The following SMAD9 variants were observed in gnomAD, a reference collection of about 807,000 sequenced individuals.
SMAD9 encodes SMAD family member 9.
A neutral mutation model predicts 46.1 loss-of-function variants in SMAD9; 36 were observed. The observed-to-expected ratio is 0.78, with a 90% CI of 0.60 to 1.03. The LOEUF (loss-of-function observed/expected upper bound fraction) is 1.03, where lower values mean the gene tolerates loss of function less well. Among genes scored for constraint, SMAD9 ranks in the 50% least tolerant of loss-of-function variants. SMAD9 has a pLI of 0.00. For synonymous variants in SMAD9, 245 were observed against 237.1 expected (o/e 1.03, Z -0.31); for missense variants, 572 against 599.8 (o/e 0.95, Z 0.48).
intron 2 of SMAD9, among the ~76,000 whole-genome samples, chr13:36,877,961 C>T (rs976741067): frequency 7.9e-5 from 12 of 152,140 alleles, no homozygotes; most frequent in African/African-American, 2.4e-4. Flanking sequence ...AATGTGCCAG[C>T]GCTTTGGTTT....
chr13:36,900,740 A>G (rs771105327), intron 1 of SMAD9, among the ~76,000 whole-genome samples: 90 of 150,226 alleles, frequency 6.0e-4, no homozygotes, highest in Non-Finnish European at 1.2e-3. Flanking sequence ...AATGTAAATT[A>G]TTTTACTTAT....
At chr13:36,882,062 T>C (rs1222387614) in intron 1 of SMAD9, among the ~76,000 whole-genome samples, 1 of 152,238 alleles carries the variant, frequency 6.6e-6, no homozygotes, top group East Asian at 1.9e-4. Flanking sequence ...TTCGTTTTTT[T>C]AAACTGTGGG....
At chr13:36,882,912 T>C (rs183747606) in intron 1 of SMAD9, among the ~76,000 whole-genome samples, 3 of 152,184 alleles carry the variant, frequency 2.0e-5, no homozygotes. Context: ...TGCAGTGAGC[T>C]ATGACTGCAC....
Position 36,879,568 on chromosome 13 carries a change from A to G in SMAD9, c.122T>C (p.Leu41Pro), listed in dbSNP as rs201869545. 5 of 1,614,112 alleles carry G rather than the reference A, an allele frequency of 3.1e-6. No homozygotes were observed. The highest frequency in any genetic ancestry group is 2.2e-5 in the East Asian group (1 of 44,864). The change falls in exon 2 of 7, where the codon CTA becomes CCA. Residue 41 changes from leucine to proline, a missense_variant. Transcript: ENST00000379826. Reference sequence around the variant, plus strand: ...CTTCTTCTTCTTTAACTTCTTCACTAGAGAGTCCACTGCCTTCTCTGCCCA... The same window carrying G: ...CTTCTTCTTCTTTAACTTCTTCACTGGAGAGTCCACTGCCTTCTCTGCCCA... ...EKWAEKAVDSLVKKLKKKKGA... is the reference protein window; with the variant it reads ...EKWAEKAVDSPVKKLKKKKGA...
rs2058041822 is a variant in SMAD9 at position 36,846,944 on chromosome 13, G to A, written c.*1732C>T. On this transcript the variant is annotated 3_prime_UTR_variant, in exon 7 of 7. Transcript: ENST00000379826. ...TCTCTTATTTACATTTGATTCTACAGTACCTAACATTGTACCTGACACCCA... is the reference window on the plus strand; with the variant it reads ...TCTCTTATTTACATTTGATTCTACAATACCTAACATTGTACCTGACACCCA... 1 of 152,136 alleles carries A rather than the reference G, an allele frequency of 6.6e-6. No individual in the cohort carries two copies. The highest frequency in any genetic ancestry group is 1.5e-5 in the Non-Finnish European group (1 of 68,032). 9.4% of individuals were successfully genotyped at this position (152,136 alleles called of 1,614,324 possible).
At chr13:36,855,082 C>A (rs1462321085) in intron 5 of SMAD9, among the ~76,000 whole-genome samples, 5 of 151,910 alleles carry the variant, frequency 3.3e-5, no homozygotes, top group Non-Finnish European at 5.9e-5. Flanking sequence ...GAGCTCAAGT[C>A]TGGCCTGGCC....
chr13:36,886,515 A>G (rs2058446208), intron 1 of SMAD9, among the ~76,000 whole-genome samples: 1 of 152,276 alleles, frequency 6.6e-6, no homozygotes, highest in East Asian at 1.9e-4. Flanking sequence ...GACAAATCCG[A>G]GCTGAGCTGC....
intron 1 of SMAD9, among the ~76,000 whole-genome samples, chr13:36,887,181 G>C (rs1246046012): frequency 7.3e-6 from 1 of 137,908 alleles, no homozygotes; most frequent in Non-Finnish European, 1.6e-5. Flanking sequence ...GAATGGGTTT[G>C]AAAAGCAAAG....
intron 1 of SMAD9, among the ~76,000 whole-genome samples, chr13:36,889,384 C>T (rs1377299411): frequency 1.3e-5 from 2 of 152,158 alleles, no homozygotes; most frequent in Admixed American, 1.3e-4. Context: ...GTAGTGACCA[C>T]CTTTCTAACA....
intron 5 of SMAD9, among the ~76,000 whole-genome samples, chr13:36,856,797 A>ATTT (rs2058130493): frequency 8.1e-6 from 1 of 123,690 alleles, no homozygotes; most frequent in Non-Finnish European, 1.6e-5. Flanking sequence ...GGTGACCTGC[A>ATTT]CTTTTTTTTT....
intron 1 of SMAD9, among the ~76,000 whole-genome samples, chr13:36,905,565 G>A (rs746190068): frequency 1.3e-5 from 2 of 151,704 alleles, no homozygotes; most frequent in Non-Finnish European, 2.9e-5. Context: ...AGACCAGCCT[G>A]GGCAACATAG....
intron 1 of SMAD9, among the ~76,000 whole-genome samples, chr13:36,894,599 T>C (rs957791781): frequency 1.3e-5 from 2 of 152,144 alleles, no homozygotes; most frequent in Admixed American, 1.3e-4. Context: ...GACTAGAAAC[T>C]CTTTCCTGGC....
intron 1 of SMAD9, among the ~76,000 whole-genome samples, chr13:36,897,874 T>TG (rs2058541945): frequency 8.0e-6 from 1 of 125,192 alleles, no homozygotes; most frequent in Admixed American, 8.3e-5. Flanking sequence ...TTTTTTTTTT[T>TG]GAGACAGAGT....
rs2058032656 is a variant in SMAD9 at position 36,845,403 on chromosome 13, C to T, written c.*3273G>A. 6.6e-6 allele frequency: 1 copy of T among 152,138 alleles called. No homozygotes were observed. The highest frequency in any genetic ancestry group is 6.5e-5 in the Admixed American group (1 of 15,272). The allele number at this position is 152,138 out of a possible 1,614,324, so 9.4% of individuals were successfully genotyped here. On this transcript the variant is annotated 3_prime_UTR_variant, in exon 7 of 7. Transcript: ENST00000379826. ...AAAGCACTCGCAGCTATTAAAATAT[C>T]ATCTAGCTAAAACAAACTTTTCACA... is the stretch of plus-strand genomic sequence containing the variant.
chr13:36,858,298 T>C (rs1171081035), intron 5 of SMAD9, among the ~76,000 whole-genome samples: 2 of 152,272 alleles, frequency 1.3e-5, no homozygotes, highest in African/African-American at 4.8e-5. Context: ...CAGAGGACTG[T>C]GCCTACCGTT....
At chr13:36,874,785 G>T (rs917459586) in intron 2 of SMAD9, among the ~76,000 whole-genome samples, 8 of 145,608 alleles carry the variant, frequency 5.5e-5, no homozygotes, top group Non-Finnish European at 1.2e-4. Context: ...GTGAACCCAG[G>T]AGGCGGAGCT....
At chr13:36,888,667 T>G (rs1005124723) in intron 1 of SMAD9, among the ~76,000 whole-genome samples, 15 of 152,106 alleles carry the variant, frequency 9.9e-5, no homozygotes, top group Non-Finnish European at 1.9e-4. Flanking sequence ...CATGTTATGA[T>G]GGAAGTAGGC....
intron 1 of SMAD9, among the ~76,000 whole-genome samples, chr13:36,888,315 T>G (rs1426501621): frequency 6.6e-6 from 1 of 152,160 alleles, no homozygotes; most frequent in East Asian, 1.9e-4. Flanking sequence ...TGTCTCGCAC[T>G]TCCCCCTTCT....
chr13:36,911,997 C>G (rs914686679), intron 1 of SMAD9, among the ~76,000 whole-genome samples: 1 of 152,050 alleles, frequency 6.6e-6, no homozygotes, highest in Non-Finnish European at 1.5e-5. Context: ...TGTGAGCCAC[C>G]GCACCCAGTC....
Sources: gnomAD v4.1 joint callset for allele counts (sites outside exome capture counted in the v4.1 genomes callset) on GRCh38, gnomAD v4.1.1 for gene constraint, MANE v1.5 for transcripts, NCBI Gene and HGNC (gene_info 2026-07-23, HGNC 2026-07-21) for gene names.